The following MARK1 variants were observed in gnomAD, a reference collection of about 807,000 sequenced individuals.
The protein encoded by MARK1 is microtubule affinity regulating kinase 1, also known as serine/threonine-protein kinase MARK1.
A neutral mutation model predicts 96.3 loss-of-function variants in MARK1; 40 were observed. The ratio of observed to expected loss-of-function variants is 0.42; its 90% CI spans 0.32 to 0.54. The LOEUF is 0.54. Among genes scored for constraint, MARK1 ranks in the 20% least tolerant of loss-of-function variants. The pLI is 0.16. For synonymous variants in MARK1, 317 were observed against 341.2 expected (o/e 0.93, Z 0.78); for missense variants, 719 against 984.6 (o/e 0.73, Z 3.61).
chr1:220,628,188 G>GCTCT (rs1462235005), intron 9 of MARK1: 1 of 152,030 alleles, frequency 6.6e-6, no homozygotes, highest in Non-Finnish European at 1.5e-5. Context: ...CTTCAAAAAG[G>GCTCT]CTCTCTCCTG....
chr1:220,543,413 T>C (rs1290641121), intron 1 of MARK1, among the ~76,000 whole-genome samples: 1 of 152,232 alleles, frequency 6.6e-6, no homozygotes. Flanking sequence ...AAAATTTTTA[T>C]ACTATACTTT....
At chr1:220,545,524 C>A (rs1661430859) in intron 1 of MARK1, among the ~76,000 whole-genome samples, 1 of 135,246 alleles carries the variant, frequency 7.4e-6, no homozygotes, top group Non-Finnish European at 1.5e-5. Flanking sequence ...GCAGTCTTGG[C>A]CTTCCGGGTT....
chr1:220,660,620 A>G (rs1392373020), intron 17 of MARK1, among the ~76,000 whole-genome samples: 1 of 152,202 alleles, frequency 6.6e-6, no homozygotes, highest in Admixed American at 6.5e-5. Context: ...ATTGTTCAAG[A>G]AATTTAATTA....
intron 6 of MARK1, among the ~76,000 whole-genome samples, chr1:220,605,570 G>A (rs1300033673): frequency 6.6e-6 from 1 of 151,148 alleles, no homozygotes; most frequent in African/African-American, 2.4e-5. Flanking sequence ...CAACATGCAG[G>A]TTTGATACAT....
intron 1 of MARK1, among the ~76,000 whole-genome samples, chr1:220,560,430 T>C (rs942396314): frequency 6.6e-6 from 1 of 152,242 alleles, no homozygotes; most frequent in African/African-American, 2.4e-5. Flanking sequence ...TTTTCCTTAA[T>C]GTTGAGAACT....
intron 3 of MARK1, among the ~76,000 whole-genome samples, chr1:220,585,531 AG>A (rs1303162156): frequency 6.6e-6 from 1 of 152,192 alleles, no homozygotes. Context: ...TACTGGGGAA[AG>A]GGCTCAATGA....
intron 2 of MARK1, among the ~76,000 whole-genome samples, 193 bp from the exon 3 acceptor site, chr1:220,580,872 A>C (rs1317412152): frequency 6.6e-6 from 1 of 152,242 alleles, no homozygotes; most frequent in Non-Finnish European, 1.5e-5. Context: ...GGATCAAAAG[A>C]TTAAAGACTT....
chr1:220,609,739 A>T (rs1666319167), intron 6 of MARK1, among the ~76,000 whole-genome samples: 1 of 152,162 alleles, frequency 6.6e-6, no homozygotes, highest in Admixed American at 6.5e-5. Context: ...AGCTATTGTA[A>T]GGCAGGCCTG....
chr1:220,624,433 C>A (rs1418237309), intron 9 of MARK1, among the ~76,000 whole-genome samples: 1 of 151,380 alleles, frequency 6.6e-6, no homozygotes. Context: ...AACCCCGTCT[C>A]TATTAAAGAT....
chr1:220,539,387 A>G (rs1472405023), intron 1 of MARK1, among the ~76,000 whole-genome samples: 4 of 151,988 alleles, frequency 2.6e-5, no homozygotes. Flanking sequence ...ATTTGCATAT[A>G]TTGAACCAGC....
In MARK1 at chr1:220,655,402, G is replaced by A. The variant is rs531674844; in HGVS notation, c.1988+2050G>A. Among the ~76,000 whole-genome samples the A allele has an allele frequency of 6.6e-4, 100 of 152,234 alleles. No homozygotes were observed. In the Middle Eastern group the frequency reaches 0.01, roughly 16 times the overall value. On this transcript the variant is annotated intron_variant, in intron 16 of 17. Transcript: ENST00000366917. ...CTGCTCAGCCTCTCCACTTAGATAC[G>A]TTATAGACTCTGAAACAGAACATGT...
intron 13 of MARK1, among the ~76,000 whole-genome samples, chr1:220,636,828 G>A (rs565408308): frequency 5.9e-5 from 9 of 151,902 alleles, no homozygotes; most frequent in South Asian, 2.1e-4. Flanking sequence ...GCTTGAACCC[G>A]GGAGGTGGAG....
chr1:220,633,312 G>C (rs563266029), intron 11 of MARK1, among the ~76,000 whole-genome samples: 16 of 152,084 alleles, frequency 1.1e-4, no homozygotes, highest in Non-Finnish European at 1.8e-4. Context: ...AAATATAAAG[G>C]CTATACATCG....
chr1:220,577,145 G>A (rs1375466903), intron 1 of MARK1, among the ~76,000 whole-genome samples: 1 of 152,116 alleles, frequency 6.6e-6, no homozygotes, highest in Non-Finnish European at 1.5e-5. Flanking sequence ...GCCAGGGGCA[G>A]CAGTGCACAC....
chr1:220,603,421 A>G (rs1284855999), intron 5 of MARK1, among the ~76,000 whole-genome samples: 3 of 152,012 alleles, frequency 2.0e-5, no homozygotes, highest in African/African-American at 7.2e-5. Context: ...TGAAGATGCA[A>G]ATTAAGTACA....
At chr1:220,541,611 T>C (rs991421706) in intron 1 of MARK1, among the ~76,000 whole-genome samples, 1 of 152,230 alleles carries the variant, frequency 6.6e-6, no homozygotes, top group Non-Finnish European at 1.5e-5. Context: ...TATTTATAAT[T>C]GTTATAGCTT....
chr1:220,586,306 G>A (rs1049974738), intron 3 of MARK1, among the ~76,000 whole-genome samples: 3 of 152,004 alleles, frequency 2.0e-5, no homozygotes, highest in Middle Eastern at 3.4e-3. Context: ...CAGTTACCAG[G>A]CCTTTGCAAC....
At chr1:220,544,264 A>G (rs886945715) in intron 1 of MARK1, among the ~76,000 whole-genome samples, 1 of 152,190 alleles carries the variant, frequency 6.6e-6, no homozygotes, top group African/African-American at 2.4e-5. Context: ...GTGCCTCCCA[A>G]AAGTTTGTGT....
Position 220,635,410 on chromosome 1 carries a change from T to G in MARK1, c.1157T>G (p.Leu386Trp). Residue 386 changes from leucine to tryptophan, a missense_variant, in exon 12 of 18, where the codon TTG becomes TGG. By Grantham distance (61) the Leu-to-Trp change is moderately conservative. This residue lies in a region of MARK1 where 501 missense variants were observed against 588.3 expected (regional missense o/e 0.85). Transcript: ENST00000366917. ...GGTGAATCGTTATCCAGTGGAAACT[T>G]GTGTCAGAGGTCCCGGCCCAGTAGT... ...EGGESLSSGN[L>W]CQRSRPSSDL... 1 of 1,611,704 alleles carries G rather than the reference T, an allele frequency of 6.2e-7. No individual in the cohort carries two copies. The highest frequency in any genetic ancestry group is 8.5e-7 in the Non-Finnish European group (1 of 1,179,444).
Sources: gnomAD v4.1 joint callset for allele counts (sites outside exome capture counted in the v4.1 genomes callset) on GRCh38, gnomAD v4.1.1 for gene constraint, gnomAD v4.1.1 regional missense constraint, MANE v1.5 for transcripts, NCBI Gene and HGNC (gene_info 2026-07-23, HGNC 2026-07-21) for gene names.